The following SGMS2 variants were observed in gnomAD, a reference collection of about 807,000 sequenced individuals.
SGMS2 encodes sphingomyelin synthase 2, also known as phosphatidylcholine:ceramide cholinephosphotransferase 2.
Under a neutral mutation model 43.8 loss-of-function variants are expected in SGMS2, and 21 were observed. That is an observed-to-expected ratio of 0.48 (90% CI 0.34 to 0.69). The LOEUF (loss-of-function observed/expected upper bound fraction) is 0.69, where lower values mean the gene tolerates loss of function less well. Ranked by LOEUF, SGMS2 falls within the 30% of genes least tolerant of loss-of-function variation. The pLI, the probability that SGMS2 is intolerant of heterozygous loss-of-function variation, is 0.01. For missense variants in SGMS2, 384 were observed against 443.2 expected (o/e 0.87, Z 1.20); for synonymous variants, 167 against 160.6 (o/e 1.04, Z -0.30).
chr4:107,847,157 C>T (rs1279418916), intron 1 of SGMS2, among the ~76,000 whole-genome samples: 2 of 151,500 alleles, frequency 1.3e-5, no homozygotes, highest in Non-Finnish European at 3.0e-5. Flanking sequence ...ATTGCCATTG[C>T]TTTTGGTGTT....
chr4:107,846,211 A>G (rs1394512601), intron 1 of SGMS2, among the ~76,000 whole-genome samples: 1 of 148,788 alleles, frequency 6.7e-6, no homozygotes, highest in Non-Finnish European at 1.5e-5. Flanking sequence ...TGCTGCACCC[A>G]TTAACTTGTC....
At chr4:107,863,063 G>A (rs1460474148) in intron 2 of SGMS2, among the ~76,000 whole-genome samples, 2 of 152,158 alleles carry the variant, frequency 1.3e-5, no homozygotes, top group Non-Finnish European at 2.9e-5. Flanking sequence ...CTCCTACATG[G>A]TAACTGTGAG....
At chr4:107,891,034 A>T (rs917056723) in intron 2 of SGMS2, among the ~76,000 whole-genome samples, 2 of 152,168 alleles carry the variant, frequency 1.3e-5, no homozygotes, top group Non-Finnish European at 2.9e-5. Context: ...GCTAGCAAAA[A>T]GGTGGCTTTG....
chr4:107,875,023 A>C (rs1728802648), intron 2 of SGMS2, among the ~76,000 whole-genome samples: 1 of 152,350 alleles, frequency 6.6e-6, no homozygotes, highest in East Asian at 1.9e-4. Flanking sequence ...TAAAAGCAAC[A>C]TAACAGTTTA....
intron 1 of SGMS2, among the ~76,000 whole-genome samples, chr4:107,834,416 T>C (rs1387469356): frequency 1.3e-5 from 2 of 152,214 alleles, no homozygotes; most frequent in Non-Finnish European, 2.9e-5. Flanking sequence ...GAATCTTTTT[T>C]GTCAGAGTTG....
chr4:107,854,455 CT>C (rs1403045277), intron 1 of SGMS2, among the ~76,000 whole-genome samples: 1 of 152,180 alleles, frequency 6.6e-6, no homozygotes, highest in African/African-American at 2.4e-5. Context: ...GTTTAATCCC[CT>C]GAGATGATTA....
chr4:107,875,658 AAAAGTTAAT>A (rs1473251497), intron 2 of SGMS2, among the ~76,000 whole-genome samples: 3 of 152,182 alleles, frequency 2.0e-5, no homozygotes, highest in African/African-American at 7.2e-5. Context: ...CCCTGAACTT[AAAAGTTAAT>A]AAAGAAAAGA....
At chr4:107,860,159 C>T (rs1578545893) in intron 2 of SGMS2, among the ~76,000 whole-genome samples, 1 of 151,996 alleles carries the variant, frequency 6.6e-6, no homozygotes, top group Admixed American at 6.6e-5. Context: ...TATTTGCCCT[C>T]TTCATAATGT....
At chr4:107,899,977 A>T (rs562399709) in intron 4 of SGMS2, among the ~76,000 whole-genome samples, 1 of 152,214 alleles carries the variant, frequency 6.6e-6, no homozygotes, top group Admixed American at 6.5e-5. Flanking sequence ...TTCATTCTAC[A>T]GGCATTAAGC....
At chr4:107,903,142 C>A in intron 4 of SGMS2, 91 bp from the exon 5 acceptor site, 1 of 1,249,946 alleles carries the variant, frequency 8.0e-7, no homozygotes, top group Non-Finnish European at 1.2e-6. Flanking sequence ...AAAATCACAA[C>A]CTGGTGTCCT....
chr4:107,880,496 A>G (rs146105779), intron 2 of SGMS2, among the ~76,000 whole-genome samples: 17 of 152,132 alleles, frequency 1.1e-4, no homozygotes, highest in Admixed American at 8.5e-4. Flanking sequence ...ATCCATAAGC[A>G]TATTGGTACC....
chr4:107,857,304 A>G (rs1727477382), intron 1 of SGMS2, among the ~76,000 whole-genome samples: 1 of 152,080 alleles, frequency 6.6e-6, no homozygotes, highest in African/African-American at 2.4e-5. Flanking sequence ...GCCATTATGA[A>G]TAATGCTGTT....
chr4:107,902,479 A>C (rs1731206588), intron 4 of SGMS2, among the ~76,000 whole-genome samples: 1 of 152,032 alleles, frequency 6.6e-6, no homozygotes, highest in African/African-American at 2.4e-5. Context: ...AACTCCTTCC[A>C]GTATGATTAA....
chr4:107,838,938 T>A (rs2125995330), intron 1 of SGMS2, among the ~76,000 whole-genome samples: 1 of 152,290 alleles, frequency 6.6e-6, no homozygotes, highest in African/African-American at 2.4e-5. Flanking sequence ...GAGGATATCT[T>A]TGCCCAGAAT....
intron 1 of SGMS2, among the ~76,000 whole-genome samples, chr4:107,843,541 A>T (rs991619491): frequency 1.3e-5 from 2 of 152,168 alleles, no homozygotes; most frequent in African/African-American, 2.4e-5. Flanking sequence ...TGTCATGGCA[A>T]CAGAGACTGG....
chr4:107,907,115 T>G (rs1425962605), intron 5 of SGMS2: 1 of 152,182 alleles, frequency 6.6e-6, no homozygotes, highest in Admixed American at 6.5e-5. Flanking sequence ...ATTCTGAGAT[T>G]CCATGAGTTT....
At chr4:107,834,914 A>G (rs938933643) in intron 1 of SGMS2, among the ~76,000 whole-genome samples, 2 of 152,180 alleles carry the variant, frequency 1.3e-5, no homozygotes, top group African/African-American at 2.4e-5. Context: ...ACACACATGT[A>G]GTCCCAGCTA....
intron 3 of SGMS2, among the ~76,000 whole-genome samples, chr4:107,897,577 A>G (rs1328492626): frequency 6.6e-6 from 1 of 152,136 alleles, no homozygotes; most frequent in African/African-American, 2.4e-5. Context: ...CTTTCCCTCA[A>G]TTTAGCTGTA....
chr4:107,833,072 T>C (rs754623932), intron 1 of SGMS2, among the ~76,000 whole-genome samples: 1 of 152,180 alleles, frequency 6.6e-6, no homozygotes, highest in Non-Finnish European at 1.5e-5. Context: ...TATAGTGTTA[T>C]CAAGCATTTC....
Sources: allele counts gnomAD v4.1 joint callset (sites outside exome capture counted in the v4.1 genomes callset), GRCh38; gene constraint gnomAD v4.1.1; transcripts MANE v1.5; gene names NCBI Gene and HGNC (gene_info 2026-07-23, HGNC 2026-07-21).